The following SASH1 variants were observed in gnomAD, a reference collection of about 807,000 sequenced individuals.
The protein encoded by SASH1 is SAM and SH3 domain containing 1.
A neutral mutation model predicts 125.2 loss-of-function variants in SASH1; 44 were observed. The ratio of observed to expected loss-of-function variants is 0.35; its 90% CI spans 0.28 to 0.45. SASH1 has a LOEUF of 0.45. Among genes scored for constraint, SASH1 ranks in the 20% least tolerant of loss-of-function variants. The pLI, the probability that SASH1 is intolerant of heterozygous loss-of-function variation, is 1.00. For synonymous variants in SASH1, 639 were observed against 649.1 expected (o/e 0.98, Z 0.24); for missense variants, 1,426 against 1,614.5 (o/e 0.88, Z 2.00).
intron 1 of SASH1, 30 bp from the exon 2 acceptor site, chr6:148,390,102 ACC>A (rs1396357769): frequency 6.2e-7 from 1 of 1,610,492 alleles, no homozygotes; most frequent in Non-Finnish European, 8.5e-7. Flanking sequence ...GGGTGGACTG[ACC>A]TGACCGCCTT....
At chr6:148,469,264 G>A (rs1376150438) in intron 5 of SASH1, among the ~76,000 whole-genome samples, 2 of 152,148 alleles carry the variant, frequency 1.3e-5, no homozygotes, top group Admixed American at 6.5e-5. Context: ...TCTGCTAGGT[G>A]GGAACAATGA....
At chr6:148,514,497 A>T in intron 9 of SASH1, 41 bp downstream of exon 9, 2 of 1,311,428 alleles carry the variant, frequency 1.5e-6, no homozygotes, top group Middle Eastern at 3.0e-4. Context: ...GGCAGACTCC[A>T]CCCTGGTTAT....
At chr6:148,454,956 A>C (rs1777268142) in intron 4 of SASH1, among the ~76,000 whole-genome samples, 1 of 152,208 alleles carries the variant, frequency 6.6e-6, no homozygotes, top group South Asian at 2.1e-4. Context: ...AAACCTTACA[A>C]GTCAGGATAA....
intron 1 of SASH1, among the ~76,000 whole-genome samples, chr6:148,289,294 G>A (rs1288162633): frequency 2.6e-5 from 4 of 152,182 alleles, no homozygotes; most frequent in East Asian, 3.9e-4. Context: ...AGGGATGGCC[G>A]GTGTTGACTC....
At chr6:148,448,446 TA>T (rs1776913704) in intron 4 of SASH1, among the ~76,000 whole-genome samples, 2 of 152,146 alleles carry the variant, frequency 1.3e-5, no homozygotes, top group African/African-American at 4.8e-5. Flanking sequence ...CATAGGAACC[TA>T]ACCAGAGGCC....
At chr6:148,498,236 AAAAAAAAAAAAC>A (rs1562459779) in intron 8 of SASH1, among the ~76,000 whole-genome samples, 1 of 22,992 alleles carries the variant, frequency 4.3e-5, no homozygotes, top group Non-Finnish European at 7.3e-5. Flanking sequence ...CAAACAAACA[AAAAAAAAAAAAC>A]AAAAAAAACA....
intron 1 of SASH1, among the ~76,000 whole-genome samples, chr6:148,356,884 G>C (rs893618012): frequency 2.6e-5 from 4 of 152,172 alleles, no homozygotes; most frequent in Non-Finnish European, 5.9e-5. Context: ...GGCCATTCTT[G>C]CAGAAGTAAG....
At chr6:148,212,296 G>T in the SASH1 span, among the ~76,000 whole-genome samples, 3 of 152,220 alleles carry the variant, frequency 2.0e-5, no homozygotes, top group Non-Finnish European at 4.4e-5. Context: ...CACCCAGGAA[G>T]CAGGTACAGC....
At chr6:148,537,633 G>A (rs892602920) in intron 16 of SASH1, among the ~76,000 whole-genome samples, 2 of 152,184 alleles carry the variant, frequency 1.3e-5, no homozygotes, top group Non-Finnish European at 2.9e-5. Flanking sequence ...GAAATATGGT[G>A]TAAGCCCACA....
At position 148,314,751 on chromosome 6, in the gene SASH1, G is replaced by A. The variant is rs543085142; in HGVS notation, n.74+42374G>A. Reference sequence around the variant, plus strand: ...TCCCCTAAGTTTCAAGTCTATTAATGAAAAATGGTATAAATGACTTTTTTT... The same window carrying A: ...TCCCCTAAGTTTCAAGTCTATTAATAAAAAATGGTATAAATGACTTTTTTT... On this transcript the variant is annotated intron_variant and non_coding_transcript_variant, in intron 1 of 3. Coordinates refer to the SASH1 transcript ENST00000367469. 1.2e-4 allele frequency among the ~76,000 whole-genome samples: 18 copies of A among 149,476 alleles called. No homozygotes were observed. In the East Asian group the frequency reaches 3.3e-3, roughly 28 times the overall value.
intron 2 of SASH1, among the ~76,000 whole-genome samples, chr6:148,420,722 T>C (rs557370080): frequency 7.6e-4 from 115 of 152,146 alleles, no homozygotes; most frequent in Non-Finnish European, 1.4e-3. Context: ...TCTTTGTCTT[T>C]GAGTATACCA....
In SASH1 at chr6:148,424,223, GTTC is replaced by G. The variant is rs1328608376; in HGVS notation, c.286-15952_286-15950del. 3.6e-4 allele frequency among the ~76,000 whole-genome samples: 54 copies of G among 148,684 alleles called. 2 individuals are homozygous for G. The highest frequency in any genetic ancestry group is 3.4e-3 in the South Asian group (16 of 4,680). Reference sequence around the variant, plus strand: ...TTTTTTCTTTTAGAGACGGTGTCTTGTTCTTCTTCTTTTTTTTTTTTGGGGGGG... The same window carrying G: ...TTTTTTCTTTTAGAGACGGTGTCTTGTTCTTCTTTTTTTTTTTTGGGGGGG... On this transcript the variant is annotated intron_variant, in intron 2 of 19. Transcript: ENST00000367467.
At chr6:148,535,376 A>G (rs778644150) in intron 16 of SASH1, among the ~76,000 whole-genome samples, 1 of 152,330 alleles carries the variant, frequency 6.6e-6, no homozygotes, top group Non-Finnish European at 1.5e-5. Context: ...CCATTGGGAC[A>G]GCTGAGCACA....
the SASH1 span, among the ~76,000 whole-genome samples, chr6:148,229,692 C>A: frequency 6.6e-6 from 1 of 151,120 alleles, no homozygotes; most frequent in Admixed American, 6.6e-5. Context: ...AGTTGTGCGA[C>A]CAACACCATA....
chr6:148,538,858 C>G (rs141269422), intron 16 of SASH1, among the ~76,000 whole-genome samples: 4 of 152,342 alleles, frequency 2.6e-5, no homozygotes, highest in Non-Finnish European at 1.5e-5. Flanking sequence ...ATCATTGCAA[C>G]TAGCTATTTT....
At chr6:148,234,829 GA>G in the SASH1 span, among the ~76,000 whole-genome samples, 143 of 128,826 alleles carry the variant, frequency 1.1e-3, no homozygotes, top group African/African-American at 1.0e-3. Context: ...CTCCGTTTCA[GA>G]AAAAAAAAAA....
chr6:148,519,972 A>C lies in SASH1; in HGVS notation c.1209+79A>C, dbSNP rs572247463. The C allele has an allele frequency of 1.1e-6, 1 of 934,124 alleles. No individual in the cohort carries two copies. Among genetic ancestry groups the C allele is most frequent in the African/African-American group, 1.7e-5 (1 of 60,052 alleles). 57.9% of individuals were successfully genotyped at this position (934,124 alleles called of 1,614,324 possible). A position where few individuals can be genotyped will look rare whatever the true frequency, so the allele number is the denominator to read the frequency against. On this transcript the variant is annotated intron_variant, in intron 10 of 19. Coordinates refer to ENST00000367467, the MANE Select transcript of SASH1 (RefSeq NM_015278.5). The surrounding 1 kb of genome is among the most constrained non-coding windows in gnomAD (Gnocchi z 4.8). ...TCTGGTGTCCCTGGAGGAGTTTCAG[A>C]GTGTCCGGAAGCAAATCCGCTTGAA...
At chr6:148,379,912 C>A in intron 1 of SASH1, 1 of 456,540 alleles carries the variant, frequency 2.2e-6, no homozygotes, top group Non-Finnish European at 4.4e-6. Flanking sequence ...CTCACCACCC[C>A]TCCCAGGCCC....
chr6:148,358,128 T>TA lies in SASH1; in HGVS notation c.156+14915dup, dbSNP rs377748581. On this transcript the variant is annotated intron_variant, in intron 1 of 19. Transcript: ENST00000367467. ...TTAGGTTTTATCTTAGGTTTGGCTT[T>TA]AAAAAAAAAATCAAGATTTGAAGAC... Among the ~76,000 whole-genome samples the TA allele has an allele frequency of 7.9e-3, 1,166 of 148,392 alleles. 9 individuals are homozygous for TA. Among genetic ancestry groups the TA allele is most frequent in the African/African-American group, 0.025 (1,008 of 40,404 alleles).
Sources: gnomAD v4.1 joint callset for allele counts (sites outside exome capture counted in the v4.1 genomes callset) on GRCh38, gnomAD v4.1.1 for gene constraint, Gnocchi (gnomAD v3.1) non-coding constraint, MANE v1.5 for transcripts, NCBI Gene and HGNC (gene_info 2026-07-23, HGNC 2026-07-21) for gene names.